The following STAP1 variants were observed in gnomAD, a reference collection of about 807,000 sequenced individuals.
The protein encoded by STAP1 is signal-transducing adaptor protein 1.
A neutral mutation model predicts 37.8 loss-of-function variants in STAP1; 30 were observed. The observed-to-expected ratio is 0.79, with a 90% CI of 0.59 to 1.08. The LOEUF (loss-of-function observed/expected upper bound fraction) is 1.08, where lower values mean the gene tolerates loss of function less well. Ranked by LOEUF, STAP1 falls within the 50% of genes least tolerant of loss-of-function variation. The pLI, the probability that STAP1 is intolerant of heterozygous loss-of-function variation, is 0.00. For missense variants in STAP1, 357 were observed against 349.4 expected, an observed-to-expected ratio of 1.02 and a Z score of -0.17; for synonymous variants, 130 against 116.0, an observed-to-expected ratio of 1.12 and a Z score of -0.78.
chr4:67,601,840 T>A (rs1237884485), intron 8 of STAP1, among the ~76,000 whole-genome samples: 1 of 152,202 alleles, frequency 6.6e-6, no homozygotes, highest in Admixed American at 6.5e-5. Flanking sequence ...TTGAGTGAAA[T>A]CTGCTTGGTG....
chr4:67,570,641 A>G (rs986295717), intron 1 of STAP1, among the ~76,000 whole-genome samples: 3 of 151,794 alleles, frequency 2.0e-5, no homozygotes, highest in Non-Finnish European at 2.9e-5. Flanking sequence ...CAGCCTGGGT[A>G]ACAGAGCAAG....
intron 1 of STAP1, among the ~76,000 whole-genome samples, chr4:67,569,808 C>T (rs1431257964): frequency 1.3e-5 from 2 of 152,166 alleles, no homozygotes; most frequent in Non-Finnish European, 2.9e-5. Context: ...TGGCTCATTG[C>T]AACCTCTGCC....
At chr4:67,603,941 G>C (rs546270013) in intron 8 of STAP1, among the ~76,000 whole-genome samples, 1 of 152,160 alleles carries the variant, frequency 6.6e-6, no homozygotes, top group Non-Finnish European at 1.5e-5. Flanking sequence ...CACAGGACTT[G>C]CCCAGGACCC....
intron 8 of STAP1, among the ~76,000 whole-genome samples, chr4:67,596,587 T>C (rs1365706805): frequency 6.6e-6 from 1 of 152,212 alleles, no homozygotes; most frequent in African/African-American, 2.4e-5. Context: ...GATAGAGATA[T>C]GGACAATGAA....
intron 7 of STAP1, among the ~76,000 whole-genome samples, chr4:67,592,222 G>C (rs1452318340): frequency 2.0e-5 from 3 of 151,992 alleles, no homozygotes; most frequent in Non-Finnish European, 4.4e-5. Context: ...TGAAACTCCT[G>C]GGCTCAAGCG....
intron 4 of STAP1, among the ~76,000 whole-genome samples, chr4:67,577,591 G>A (rs1241732828): frequency 2.6e-5 from 4 of 151,196 alleles, no homozygotes; most frequent in African/African-American, 9.7e-5. Context: ...TCTGATATTT[G>A]TAGCTAATAC....
chr4:67,599,598 TTCTTAG>T (rs1215057266), intron 8 of STAP1, among the ~76,000 whole-genome samples: 14 of 152,052 alleles, frequency 9.2e-5, no homozygotes, highest in Admixed American at 8.5e-4. Context: ...CCTTCTTTTT[TTCTTAG>T]TCTGAGTAAA....
At chr4:67,605,396 A>AT (rs1356308974) in intron 8 of STAP1, among the ~76,000 whole-genome samples, 19 of 151,390 alleles carry the variant, frequency 1.3e-4, no homozygotes, top group Non-Finnish European at 2.5e-4. Context: ...TACAAAAAAA[A>AT]AAAAAAAGCA....
intron 1 of STAP1, among the ~76,000 whole-genome samples, chr4:67,567,932 T>G (rs954058870): frequency 6.6e-6 from 1 of 152,220 alleles, no homozygotes; most frequent in Non-Finnish European, 1.5e-5. Context: ...TAGAAATCAT[T>G]TGCTTATTTT....
rs762552823 is a variant in STAP1 at position 67,583,684 on chromosome 4, C to T, written c.641C>T (p.Thr214Ile). The T allele has an allele frequency of 2.5e-6, 4 of 1,612,502 alleles. No homozygotes were observed. In the East Asian group the frequency reaches 8.9e-5, roughly 36 times the overall value. Residue 214 changes from threonine (T) to isoleucine (I), a missense_variant, in exon 6 of 9, where the codon ACT (threonine) becomes ATT (isoleucine). Physicochemically the swap from Thr to Ile is moderately conservative, Grantham distance 89 (BLOSUM62 -1). Transcript: ENST00000265404. The part of the protein sequence containing the change: ...PGSDSRNYSI[T>I]IRQEIDIPRI... Reference sequence around the variant, plus strand: ...AGTGACAGTAGAAACTACTCCATCACTATTCGGCAGGAGATAGAGTATGTT... The same window carrying T: ...AGTGACAGTAGAAACTACTCCATCATTATTCGGCAGGAGATAGAGTATGTT...
chr4:67,574,878 A>G (rs556920725), intron 2 of STAP1, among the ~76,000 whole-genome samples: 3 of 152,278 alleles, frequency 2.0e-5, no homozygotes, highest in South Asian at 4.1e-4. Context: ...ACCAATTTGC[A>G]TGGTGTAAAA....
chr4:67,563,216 C>A (rs920451127), intron 1 of STAP1, among the ~76,000 whole-genome samples: 16 of 152,172 alleles, frequency 1.1e-4, no homozygotes, highest in African/African-American at 2.2e-4. Context: ...TAAATCTGTT[C>A]TCTCCTTTCT....
At chr4:67,584,486 A>G (rs1247072323) in intron 6 of STAP1, among the ~76,000 whole-genome samples, 1 of 152,210 alleles carries the variant, frequency 6.6e-6, no homozygotes, top group Non-Finnish European at 1.5e-5. Flanking sequence ...AGAGTAAAAT[A>G]AAGCAGGAAG....
At chr4:67,588,805 G>A (rs543509233) in intron 6 of STAP1, among the ~76,000 whole-genome samples, 2 of 152,150 alleles carry the variant, frequency 1.3e-5, no homozygotes, top group East Asian at 3.9e-4. Context: ...TTTCCTTCAG[G>A]CGCAATAAAA....
intron 8 of STAP1, among the ~76,000 whole-genome samples, chr4:67,604,338 A>T (rs1728405667): frequency 6.6e-6 from 1 of 152,114 alleles, no homozygotes; most frequent in Non-Finnish European, 1.5e-5. Context: ...AAGTACTGTA[A>T]TTGCTCACCG....
At chr4:67,598,427 T>A (rs1728270919) in intron 8 of STAP1, among the ~76,000 whole-genome samples, 1 of 152,182 alleles carries the variant, frequency 6.6e-6, no homozygotes, top group African/African-American at 2.4e-5. Flanking sequence ...TTTCTCTATA[T>A]CCTTGCCAGC....
intron 2 of STAP1, among the ~76,000 whole-genome samples, chr4:67,574,864 G>A (rs1377954682): frequency 2.0e-5 from 3 of 152,118 alleles, no homozygotes; most frequent in Non-Finnish European, 4.4e-5. Context: ...GATTTGTAAG[G>A]TTTACCAATT....
chr4:67,565,064 A>G (rs2109853901), intron 1 of STAP1, among the ~76,000 whole-genome samples: 1 of 152,352 alleles, frequency 6.6e-6, no homozygotes, highest in South Asian at 2.1e-4. Flanking sequence ...TTCATTGCAG[A>G]GGCTTACCAT....
At chr4:67,568,003 T>C (rs906989745) in intron 1 of STAP1, among the ~76,000 whole-genome samples, 6 of 152,184 alleles carry the variant, frequency 3.9e-5, no homozygotes, top group Admixed American at 3.3e-4. Context: ...TATTATCTTA[T>C]TAGGCATGAA....
Sources: allele counts gnomAD v4.1 joint callset (sites outside exome capture counted in the v4.1 genomes callset), GRCh38; gene constraint gnomAD v4.1.1; transcripts MANE v1.5; gene names NCBI Gene and HGNC (gene_info 2026-07-23, HGNC 2026-07-21).